Variants in WWOX observed in about 807,000 individuals in gnomAD.
WWOX encodes the protein WW domain containing oxidoreductase, also known as WW domain-containing oxidoreductase.
A neutral mutation model predicts 46.2 loss-of-function variants in WWOX; 69 were observed. That is an observed-to-expected ratio of 1.49 (90% CI 1.23 to 1.82). The LOEUF is 1.82. Ranked by LOEUF, WWOX falls within the 40% of genes most tolerant of loss-of-function variation. WWOX has a pLI of 0.00. For synonymous variants in WWOX, 359 were observed against 202.6 expected (o/e 1.77, Z -6.56); for missense variants, 919 against 542.6 (o/e 1.69, Z -6.89).
At chr16:78,101,306 C>G (rs2031764290) in intron 1 of WWOX, among the ~76,000 whole-genome samples, 1 of 135,952 alleles carries the variant, frequency 7.4e-6, no homozygotes, top group Non-Finnish European at 1.5e-5. Flanking sequence ...CTCGGCCTCT[C>G]AAAGTGCTGG....
chr16:78,425,646 A>G (rs1198952267), intron 7 of WWOX, among the ~76,000 whole-genome samples: 1 of 152,184 alleles, frequency 6.6e-6, no homozygotes, highest in Non-Finnish European at 1.5e-5. Context: ...AGGACATTTG[A>G]AAATTTCCTC....
At chr16:79,134,004 G>A (rs572011361) in intron 8 of WWOX, among the ~76,000 whole-genome samples, 5 of 152,232 alleles carry the variant, frequency 3.3e-5, no homozygotes, top group Middle Eastern at 3.4e-3. Flanking sequence ...TCTCATGCTG[G>A]ACTATCTAAG....
At chr16:78,158,779 C>A (rs1250873964) in intron 4 of WWOX, among the ~76,000 whole-genome samples, 1 of 152,018 alleles carries the variant, frequency 6.6e-6, no homozygotes, top group African/African-American at 2.4e-5. Flanking sequence ...ATGTATAGAA[C>A]TTGATAAGTT....
At chr16:78,835,061 C>T (rs1028522171) in intron 8 of WWOX, among the ~76,000 whole-genome samples, 1 of 152,080 alleles carries the variant, frequency 6.6e-6, no homozygotes, top group Non-Finnish European at 1.5e-5. Flanking sequence ...CGTTAGTGTG[C>T]CCATTTTACA....
intron 5 of WWOX, among the ~76,000 whole-genome samples, chr16:78,352,848 G>T (rs542954211): frequency 6.6e-6 from 1 of 152,220 alleles, no homozygotes; most frequent in South Asian, 2.1e-4. Flanking sequence ...AGATCCTTCT[G>T]GATTGGCGGT....
intron 8 of WWOX, among the ~76,000 whole-genome samples, chr16:78,909,137 G>C (rs1245637987): frequency 2.6e-5 from 4 of 152,196 alleles, no homozygotes; most frequent in Non-Finnish European, 5.9e-5. Flanking sequence ...TTAGAAGCAA[G>C]ATAGAGTCAG....
intron 8 of WWOX, among the ~76,000 whole-genome samples, chr16:78,682,558 G>A (rs1198839582): frequency 6.6e-6 from 1 of 152,140 alleles, no homozygotes; most frequent in Non-Finnish European, 1.5e-5. Flanking sequence ...ACTCCAGCCT[G>A]GGTGATAGAG....
chr16:78,293,988 A>AAAC (rs2079901787), intron 5 of WWOX, among the ~76,000 whole-genome samples: 2 of 148,624 alleles, frequency 1.3e-5, no homozygotes, highest in African/African-American at 4.9e-5. Flanking sequence ...GAAAAAAAAA[A>AAAC]AAAAAAAAAA....
chr16:78,790,838 G>C (rs1202909959), intron 8 of WWOX, among the ~76,000 whole-genome samples: 1 of 151,684 alleles, frequency 6.6e-6, no homozygotes, highest in Non-Finnish European at 1.5e-5. Context: ...GGGCAACATG[G>C]TGAAACCTCA....
intron 8 of WWOX, among the ~76,000 whole-genome samples, chr16:78,994,106 G>A (rs540159802): frequency 6.6e-6 from 1 of 152,158 alleles, no homozygotes; most frequent in Non-Finnish European, 1.5e-5. Context: ...ATCAAGAAAC[G>A]TTACCTGTCA....
intron 5 of WWOX, among the ~76,000 whole-genome samples, chr16:78,328,398 A>T (rs1015841657): frequency 6.6e-6 from 1 of 152,182 alleles, no homozygotes; most frequent in East Asian, 1.9e-4. Context: ...GAATCCTTCA[A>T]CACATACTTG....
chr16:78,648,071 G>A (rs1176975657), intron 8 of WWOX, among the ~76,000 whole-genome samples: 1 of 152,216 alleles, frequency 6.6e-6, no homozygotes, highest in African/African-American at 2.4e-5. Flanking sequence ...CAGAACAGGT[G>A]TGTGCCACCT....
intron 8 of WWOX, among the ~76,000 whole-genome samples, chr16:79,131,713 G>C (rs1310366084): frequency 6.6e-6 from 1 of 152,154 alleles, no homozygotes; most frequent in Non-Finnish European, 1.5e-5. Flanking sequence ...GGACATGGGT[G>C]ATCAAGCAGC....
chr16:78,391,348 G>C (rs1397034910), intron 6 of WWOX, among the ~76,000 whole-genome samples: 2 of 152,180 alleles, frequency 1.3e-5, no homozygotes, highest in African/African-American at 4.8e-5. Context: ...TAAGAGTCCT[G>C]CACACTTAAC....
At chr16:78,144,666 G>A (rs1017702327) in intron 4 of WWOX, among the ~76,000 whole-genome samples, 1 of 149,614 alleles carries the variant, frequency 6.7e-6, no homozygotes, top group Admixed American at 6.7e-5. Context: ...GATTACAGGT[G>A]CACGCTACCA....
chr16:79,202,671 G>GT (rs2051382234), intron 8 of WWOX: 1 of 152,090 alleles, frequency 6.6e-6, no homozygotes. Context: ...GTTTGAGAGA[G>GT]TTTTTTCCCC....
chr16:78,494,804 A>G (rs1484654530), intron 8 of WWOX, among the ~76,000 whole-genome samples: 1 of 152,182 alleles, frequency 6.6e-6, no homozygotes, highest in Non-Finnish European at 1.5e-5. Flanking sequence ...TCCTGTAATT[A>G]CAGTCAAGAT....
chr16:78,894,186 G>C (rs189561148), intron 8 of WWOX, among the ~76,000 whole-genome samples: 164 of 152,184 alleles, frequency 1.1e-3, no homozygotes, highest in Non-Finnish European at 2.4e-4. Context: ...CTACAGGCAA[G>C]TGTACTGTGG....
intron 8 of WWOX, among the ~76,000 whole-genome samples, chr16:78,545,384 A>T (rs1409937521): frequency 6.6e-6 from 1 of 152,158 alleles, no homozygotes; most frequent in Non-Finnish European, 1.5e-5. Flanking sequence ...TTCTTTTAAA[A>T]AAAAAATTCT....
Sources: gnomAD v4.1 joint callset for allele counts (sites outside exome capture counted in the v4.1 genomes callset) on GRCh38, gnomAD v4.1.1 for gene constraint, MANE v1.5 for transcripts, NCBI Gene and HGNC (gene_info 2026-07-23, HGNC 2026-07-21) for gene names.